Variants in PIK3CB observed in about 807,000 individuals in gnomAD.
The protein encoded by PIK3CB is phosphatidylinositol 4,5-bisphosphate 3-kinase catalytic subunit beta isoform.
PIK3CB carries 39 observed loss-of-function variants against 136.8 expected under a neutral mutation model. The observed-to-expected ratio is 0.29, with a 90% CI of 0.22 to 0.37. The LOEUF (loss-of-function observed/expected upper bound fraction) is 0.37, where lower values mean the gene tolerates loss of function less well. Among genes scored for constraint, PIK3CB ranks in the 10% least tolerant of loss-of-function variants. The pLI, the probability that PIK3CB is intolerant of heterozygous loss-of-function variation, is 1.00. For missense variants in PIK3CB, 868 were observed against 1,275.4 expected, an observed-to-expected ratio of 0.68 and a Z score of 4.87; for synonymous variants, 428 against 436.6, an observed-to-expected ratio of 0.98 and a Z score of 0.25.
At chr3:138,717,659 C>T (rs1410120355) in intron 8 of PIK3CB, among the ~76,000 whole-genome samples, 1 of 152,120 alleles carries the variant, frequency 6.6e-6, no homozygotes, top group Non-Finnish European at 1.5e-5. Flanking sequence ...TAGTACCCAA[C>T]AGTTACCTTT....
intron 8 of PIK3CB, among the ~76,000 whole-genome samples, chr3:138,728,677 G>A (rs2044897220): frequency 6.6e-6 from 1 of 151,874 alleles, no homozygotes; most frequent in Non-Finnish European, 1.5e-5. Flanking sequence ...CTACTCAGGA[G>A]GCTGAGGCAG....
intron 21 of PIK3CB, among the ~76,000 whole-genome samples, chr3:138,661,591 T>C (rs2108406558): frequency 6.6e-6 from 1 of 152,368 alleles, no homozygotes; most frequent in Middle Eastern, 3.4e-3. Context: ...ATCTAAGTGT[T>C]TAATGTGATT....
chr3:138,767,471 T>C (rs1026618048), intron 2 of PIK3CB, among the ~76,000 whole-genome samples: 1 of 152,206 alleles, frequency 6.6e-6, no homozygotes. Flanking sequence ...CTTGGGGTGT[T>C]GTTTTTCTGG....
chr3:138,674,909 A>C lies in PIK3CB; in HGVS notation c.2504+7058T>G, dbSNP rs774969329. On this transcript the variant is annotated intron_variant, in intron 19 of 23. Transcript: ENST00000674063. Reference sequence around the variant, plus strand: ...TGTCTCCACTAAAAGTACAAAAATTAGCCAGGAGTTGTAGTGGCCGCTTGT... The same window carrying C: ...TGTCTCCACTAAAAGTACAAAAATTCGCCAGGAGTTGTAGTGGCCGCTTGT... 2.9e-4 allele frequency among the ~76,000 whole-genome samples: 44 copies of C among 152,110 alleles called. 1 individual carries two copies. Among genetic ancestry groups the C allele is most frequent in the Non-Finnish European group, 6.2e-4 (42 of 68,022 alleles).
chr3:138,795,740 G>C (rs1163926383), intron 2 of PIK3CB, among the ~76,000 whole-genome samples: 3 of 152,202 alleles, frequency 2.0e-5, no homozygotes, highest in Non-Finnish European at 4.4e-5. Flanking sequence ...GATGACTGCA[G>C]CTATATTACA....
At chr3:138,746,256 T>C (rs762214048) in intron 4 of PIK3CB, among the ~76,000 whole-genome samples, 6 of 152,152 alleles carry the variant, frequency 3.9e-5, no homozygotes, top group Non-Finnish European at 8.8e-5. Flanking sequence ...CAGGTATCTA[T>C]TCTCCTCAGT....
At chr3:138,746,726 T>G (rs2045361769) in intron 4 of PIK3CB, among the ~76,000 whole-genome samples, 1 of 151,720 alleles carries the variant, frequency 6.6e-6, no homozygotes, top group South Asian at 2.1e-4. Context: ...AACCATCCTT[T>G]GCTAGCATTA....
At chr3:138,751,971 T>TAAAAAAAAAAAA (rs11328258) in intron 4 of PIK3CB, among the ~76,000 whole-genome samples, 1 of 114,694 alleles carries the variant, frequency 8.7e-6, no homozygotes. Context: ...ACTCTGTATA[T>TAAAAAAAAAAAA]AAAAAAAAAA....
chr3:138,770,349 A>C (rs561022572), intron 2 of PIK3CB: 2 of 152,216 alleles, frequency 1.3e-5, no homozygotes, highest in Non-Finnish European at 2.9e-5. Context: ...AATGATAAGC[A>C]GAAAACAACA....
At chr3:138,755,730 C>G (rs1559864202) in intron 4 of PIK3CB, 24 bp downstream of exon 4, 1 of 1,140,278 alleles carries the variant, frequency 8.8e-7, no homozygotes, top group Non-Finnish European at 1.3e-6. Context: ...AGAATTTGTA[C>G]TTTTTTTTTA....
chr3:138,793,657 T>C (rs2046078107), intron 2 of PIK3CB, among the ~76,000 whole-genome samples: 2 of 147,776 alleles, frequency 1.4e-5, no homozygotes, highest in African/African-American at 2.5e-5. Flanking sequence ...CTGATTGTGT[T>C]TGAGGAATGG....
intron 1 of PIK3CB, among the ~76,000 whole-genome samples, chr3:138,809,091 T>A (rs939717085): frequency 3.3e-5 from 5 of 151,326 alleles, no homozygotes; most frequent in African/African-American, 4.9e-5. Context: ...CTGGCCAACA[T>A]GGTGAAACCC....
intron 10 of PIK3CB, chr3:138,707,569 T>C (rs149351018): frequency 2.3e-5 from 27 of 1,167,966 alleles, no homozygotes; most frequent in Non-Finnish European, 2.6e-5. Flanking sequence ...GAAAAGACTT[T>C]AATTGGAACT....
At chr3:138,693,968 A>ATATATATATATATATATATAT (rs2044077061) in intron 14 of PIK3CB, among the ~76,000 whole-genome samples, 1 of 59,012 alleles carries the variant, frequency 1.7e-5, no homozygotes. Context: ...TATATATATT[A>ATATATATATATATATATATAT]TATATATATA....
intron 16 of PIK3CB, among the ~76,000 whole-genome samples, chr3:138,685,448 G>GA (rs1260344713): frequency 9.5e-6 from 1 of 104,736 alleles, no homozygotes; most frequent in Non-Finnish European, 2.0e-5. Flanking sequence ...AGATAAATAT[G>GA]AAACTTAAAC....
chr3:138,778,750 G>T, intron 2 of PIK3CB: 2 of 270,926 alleles, frequency 7.4e-6, no homozygotes, highest in South Asian at 8.8e-5. Flanking sequence ...TCATTTCCTG[G>T]TATGACAATG....
chr3:138,775,370 A>G (rs2045845873), intron 2 of PIK3CB, among the ~76,000 whole-genome samples: 2 of 152,210 alleles, frequency 1.3e-5, no homozygotes, highest in South Asian at 4.1e-4. Context: ...AGATGAGGTA[A>G]TTACAAAACA....
chr3:138,768,879 G>C (rs1255610421), intron 2 of PIK3CB, among the ~76,000 whole-genome samples: 1 of 152,232 alleles, frequency 6.6e-6, no homozygotes, highest in Admixed American at 6.5e-5. Flanking sequence ...CAGACAGTGG[G>C]AGCAGGCATT....
intron 2 of PIK3CB, among the ~76,000 whole-genome samples, chr3:138,760,009 C>T (rs1005102008): frequency 1.4e-4 from 22 of 152,120 alleles, no homozygotes; most frequent in Non-Finnish European, 2.8e-4. Context: ...GCAAGCTCCG[C>T]CTCCCAGTTT....
Sources: allele counts gnomAD v4.1 joint callset (sites outside exome capture counted in the v4.1 genomes callset), GRCh38; gene constraint gnomAD v4.1.1; transcripts MANE v1.5; gene names NCBI Gene and HGNC (gene_info 2026-07-23, HGNC 2026-07-21).